Variants in RAD51B observed in about 807,000 individuals in gnomAD.
RAD51B encodes the protein RAD51 paralog B.
In RAD51B, 38 loss-of-function variants were observed where a neutral mutation model predicts 42.2. That is an observed-to-expected ratio of 0.90 (90% CI 0.70 to 1.18). RAD51B has a LOEUF of 1.18. Ranked by LOEUF, RAD51B falls within the 50% of genes most tolerant of loss-of-function variation. The pLI is 0.00. For missense variants in RAD51B, 373 were observed against 400.7 expected (o/e 0.93, Z 0.59); for synonymous variants, 154 against 145.2 (o/e 1.06, Z -0.43).
chr14:68,026,955 G>C (rs1202099903), intron 7 of RAD51B, among the ~76,000 whole-genome samples: 1 of 152,116 alleles, frequency 6.6e-6, no homozygotes, highest in Non-Finnish European at 1.5e-5. Flanking sequence ...CCATGCTTAA[G>C]GGTGTTTTGT....
chr14:68,362,729 G>A (rs2083053777), intron 8 of RAD51B, among the ~76,000 whole-genome samples: 1 of 151,986 alleles, frequency 6.6e-6, no homozygotes. Context: ...GGCGCCTGTA[G>A]TCCCAGCTAC....
exon 11 of RAD51B, chr14:68,595,573 G>A (rs907361400): frequency 1.9e-6 from 2 of 1,066,548 alleles, no homozygotes; most frequent in Admixed American, 5.3e-5. Context: ...GAAGGACTAA[G>A]TGACTTATGA....
chr14:68,095,046 T>A (rs560349008), intron 7 of RAD51B, among the ~76,000 whole-genome samples: 1 of 152,148 alleles, frequency 6.6e-6, no homozygotes, highest in African/African-American at 2.4e-5. Flanking sequence ...CAGGCTCGGG[T>A]TATTTTTTAT....
exon 11 of RAD51B, chr14:68,595,141 G>C: frequency 1.9e-6 from 2 of 1,066,756 alleles, no homozygotes; most frequent in Non-Finnish European, 2.3e-6. Flanking sequence ...AGGAGCGCTG[G>C]AACGTTTATT....
At chr14:68,078,600 G>T (rs2076868606) in intron 7 of RAD51B, among the ~76,000 whole-genome samples, 1 of 152,058 alleles carries the variant, frequency 6.6e-6, no homozygotes, top group South Asian at 2.1e-4. Context: ...TTGCTTGGAG[G>T]TTTCCTGAGA....
intron 10 of RAD51B, among the ~76,000 whole-genome samples, chr14:68,485,204 C>T (rs1160103485): frequency 6.6e-6 from 1 of 152,196 alleles, no homozygotes; most frequent in African/African-American, 2.4e-5. Flanking sequence ...CAAGCATACT[C>T]ATTCCCTCTT....
At chr14:67,859,890 G>A (rs369878456) in intron 4 of RAD51B, among the ~76,000 whole-genome samples, 3 of 151,826 alleles carry the variant, frequency 2.0e-5, no homozygotes, top group African/African-American at 7.3e-5. Flanking sequence ...ACGCGATCTC[G>A]GCTCACTGCA....
chr14:68,275,879 T>C (rs2081215137), intron 7 of RAD51B, among the ~76,000 whole-genome samples: 1 of 151,902 alleles, frequency 6.6e-6, no homozygotes, highest in Non-Finnish European at 1.5e-5. Flanking sequence ...TCTATTTTTT[T>C]GTCCTTACTG....
rs144141961 is a variant in RAD51B at position 68,567,022 on chromosome 14, C to T, written c.1037-27463C>T. Among the ~76,000 whole-genome samples the T allele has an allele frequency of 7.4e-3, 1,124 of 152,124 alleles. 11 individuals are homozygous for T. The highest frequency in any genetic ancestry group is 0.026 in the African/African-American group (1,086 of 41,488). The stretch of plus-strand genomic sequence containing the variant: ...TTTTTAAAAATTCAACTTTACTGGC[C>T]GGCACGGTGGCTCACGCCTATAATC... On this transcript the variant is annotated intron_variant, in intron 10 of 10. Coordinates refer to the RAD51B transcript ENST00000487270.
chr14:67,860,643 TA>T (rs1256065767), intron 4 of RAD51B, among the ~76,000 whole-genome samples: 4 of 152,202 alleles, frequency 2.6e-5, no homozygotes, highest in African/African-American at 9.6e-5. Flanking sequence ...TGAAATGCAT[TA>T]AAAAAACCCT....
At chr14:67,902,326 T>C (rs536528486) in intron 7 of RAD51B, among the ~76,000 whole-genome samples, 1 of 152,190 alleles carries the variant, frequency 6.6e-6, no homozygotes, top group African/African-American at 2.4e-5. Flanking sequence ...TTTATCTATA[T>C]TTCTGAAAGG....
In RAD51B at chr14:68,221,975, A is replaced by G. The variant is rs552929649; in HGVS notation, c.757-69909A>G. Among the ~76,000 whole-genome samples the G allele has an allele frequency of 2.0e-5, 3 of 152,360 alleles. No individual in the cohort carries two copies. In the South Asian group the frequency reaches 6.2e-4, roughly 32 times the overall value. ...ACTAATTATCAGGGAAATGCAAATCAAAACCACGACGTGATACCACCTCAC... is the reference window on the plus strand; with the variant it reads ...ACTAATTATCAGGGAAATGCAAATCGAAACCACGACGTGATACCACCTCAC... On this transcript the variant is annotated intron_variant, in intron 7 of 10. Transcript: ENST00000471583.
chr14:68,499,567 G>A (rs1249609063), intron 10 of RAD51B, among the ~76,000 whole-genome samples: 29 of 152,142 alleles, frequency 1.9e-4, no homozygotes, highest in Non-Finnish European at 2.9e-5. Flanking sequence ...TGTAAATATG[G>A]CCTGATTTGT....
At chr14:68,167,370 T>A (rs1235281423) in intron 7 of RAD51B, among the ~76,000 whole-genome samples, 1 of 152,214 alleles carries the variant, frequency 6.6e-6, no homozygotes, top group Non-Finnish European at 1.5e-5. Flanking sequence ...AACTCCCTCC[T>A]TGTATCCCAT....
chr14:67,869,299 C>T (rs1242463843), intron 5 of RAD51B, among the ~76,000 whole-genome samples: 1 of 152,132 alleles, frequency 6.6e-6, no homozygotes, highest in African/African-American at 2.4e-5. Flanking sequence ...GCAGAAGCCT[C>T]AGGAGCCGAT....
Position 68,158,588 on chromosome 14 carries a change from G to A in RAD51B, c.757-133296G>A, listed in dbSNP as rs532771298. ...ATGTTGTATAACACTGCTCTATATA[G>A]CACTTTTAAATGTATAAAATTTTTG... On this transcript the variant is annotated intron_variant, in intron 7 of 10. Transcript: ENST00000471583. Among the ~76,000 whole-genome samples, 4 of 152,176 alleles carry A rather than the reference G, an allele frequency of 2.6e-5. 1 individual carries two copies. The highest frequency in any genetic ancestry group is 7.2e-5 in the African/African-American group (3 of 41,500).
At chr14:67,884,344 T>C (rs2043002162) in intron 5 of RAD51B, among the ~76,000 whole-genome samples, 1 of 152,172 alleles carries the variant, frequency 6.6e-6, no homozygotes, top group South Asian at 2.1e-4. Flanking sequence ...TGTCAGCTGT[T>C]CAGTTCTTGT....
chr14:68,625,255 G>A (rs1243867789), intron 10 of RAD51B, among the ~76,000 whole-genome samples: 1 of 152,146 alleles, frequency 6.6e-6, no homozygotes, highest in Non-Finnish European at 1.5e-5. Context: ...GTCGTGAGAT[G>A]TGTATCGGAG....
chr14:68,274,146 A>G (rs2081175597), intron 7 of RAD51B, among the ~76,000 whole-genome samples: 1 of 152,098 alleles, frequency 6.6e-6, no homozygotes, highest in Non-Finnish European at 1.5e-5. Flanking sequence ...TCTATTTTAG[A>G]CATTATCTCA....
Sources: allele counts gnomAD v4.1 joint callset (sites outside exome capture counted in the v4.1 genomes callset), GRCh38; gene constraint gnomAD v4.1.1; transcripts MANE v1.5; gene names NCBI Gene and HGNC (gene_info 2026-07-23, HGNC 2026-07-21).